Variants in ZNF526 observed in about 807,000 individuals in gnomAD.
ZNF526 encodes zinc finger protein 526.
Under a neutral mutation model 32.4 loss-of-function variants are expected in ZNF526, and 16 were observed. The ratio of observed to expected loss-of-function variants is 0.49; its 90% CI spans 0.33 to 0.75. ZNF526 has a LOEUF of 0.75. Among genes scored for constraint, ZNF526 ranks in the 30% least tolerant of loss-of-function variants. The pLI, the probability that ZNF526 is intolerant of heterozygous loss-of-function variation, is 0.02. For missense variants in ZNF526, 838 were observed against 920.7 expected (o/e 0.91, Z 1.16); for synonymous variants, 355 against 363.4 (o/e 0.98, Z 0.26).
chr19:42,222,580 C>G (rs1480415795), intron 1 of ZNF526, among the ~76,000 whole-genome samples: 1 of 152,090 alleles, frequency 6.6e-6, no homozygotes, highest in East Asian at 1.9e-4. Context: ...TGGGGTTGAG[C>G]CCACATACGT....
chr19:42,226,295 C>G lies in ZNF526; in HGVS notation c.1892C>G (p.Thr631Ser). 6.2e-7 allele frequency: 1 copy of G among 1,614,142 alleles called. No individual in the cohort carries two copies. The highest frequency in any genetic ancestry group is 8.5e-7 in the Non-Finnish European group (1 of 1,180,036). ...ATCATGTGCACAGAGCTGGGGGAGA[C>G]CATCGCCATCATTGAGACATCCCAG... ...QTIMCTELGE[T>S]IAIIETSQPL... is the part of the protein sequence containing the mutation. The change falls in exon 3 of 3, where the codon ACC becomes AGC. Residue 631 changes from threonine to serine, a missense_variant. Transcript: ENST00000301215.
At chr19:42,220,770 G>A (rs2036114172) in intron 1 of ZNF526, 1 of 152,202 alleles carries the variant, frequency 6.6e-6, no homozygotes, top group African/African-American at 2.4e-5. Context: ...TCAAGAGTGG[G>A]AGAAAGAATC....
intron 1 of ZNF526, among the ~76,000 whole-genome samples, chr19:42,221,710 A>G (rs2036125316): frequency 6.6e-6 from 1 of 151,860 alleles, no homozygotes; most frequent in South Asian, 2.1e-4. Context: ...CCAGCTACTC[A>G]AGAGGCTGAG....
chr19:42,226,603 C>G lies in ZNF526; in HGVS notation c.*187C>G. On this transcript the variant is annotated 3_prime_UTR_variant, in exon 3 of 3. Coordinates refer to ENST00000301215, the MANE Select transcript of ZNF526 (RefSeq NM_133444.3). ...GGCTTCTCTTGTCATCTTTCTCTGC[C>G]TGAGGGGAAACTGAAGCTCTGAAAT... The G allele has an allele frequency of 1.3e-6, 1 of 779,918 alleles. No individual in the cohort carries two copies. Among genetic ancestry groups the G allele is most frequent in the South Asian group, 1.6e-5 (1 of 63,218 alleles). 48.3% of individuals were successfully genotyped at this position (779,918 alleles called of 1,614,324 possible).
Position 42,225,944 on chromosome 19 carries a change from AC to A in ZNF526, c.1543del (p.Leu515SerfsTer6). ...SCGKTFASLA[N>X]LSRHQLTHTG... ...GGCAAGACCTTTGCTTCTTTGGCCA[AC>A]CTCAGCCGCCACCAGCTGACCCATA... On this transcript the variant is annotated frameshift_variant, in exon 3 of 3. Coordinates refer to ENST00000301215, the MANE Select transcript of ZNF526 (RefSeq NM_133444.3). LOFTEE classifies it high-confidence loss of function. 3.7e-6 allele frequency: 6 copies of A among 1,614,080 alleles called. No individual in the cohort carries two copies. The highest frequency in any genetic ancestry group is 5.1e-6 in the Non-Finnish European group (6 of 1,180,012).
At chr19:42,221,043 GA>G in intron 1 of ZNF526, among the ~76,000 whole-genome samples, 1 of 152,320 alleles carries the variant, frequency 6.6e-6, no homozygotes, top group East Asian at 1.9e-4. Context: ...AGTAGATAAG[GA>G]AAGTTTAGCT....
Position 42,225,691 on chromosome 19 carries a change from A to ACCCCCCCCCCC in ZNF526, c.1292_1293insCCCCCCCCCCC (p.Pro435LeufsTer54). On this transcript the variant is annotated frameshift_variant, in exon 3 of 3. Transcript: ENST00000301215. LOFTEE classifies it high-confidence loss of function. ...AGCTCCCCCAGCTCCAGCGGAGCCC[A>ACCCCCCCCCCC]CCCCTCCACCACCACCCCCTGCCCC... 1 of 1,000,058 alleles carries ACCCCCCCCCCC rather than the reference A, an allele frequency of 1.0e-6. No individual in the cohort carries two copies. Among genetic ancestry groups the ACCCCCCCCCCC allele is most frequent in the Non-Finnish European group, 1.4e-6 (1 of 707,290 alleles). 61.9% of individuals were successfully genotyped at this position (1,000,058 alleles called of 1,614,324 possible).
rs1348520302 is a variant in ZNF526, at chr19:42,226,713, G to A, written c.*297G>A. The stretch of plus-strand genomic sequence containing the variant: ...TTGCACTGCATCACCCTGGTGCCCA[G>A]CAACATCAGGTAACCTTCACTGAGC... On this transcript the variant is annotated 3_prime_UTR_variant, in exon 3 of 3. Transcript: ENST00000301215. The A allele has an allele frequency of 1.8e-5, 9 of 509,950 alleles. No individual in the cohort carries two copies. Among genetic ancestry groups the A allele is most frequent in the Non-Finnish European group, 3.3e-5 (9 of 269,964 alleles). The allele number at this position is 509,950 out of a possible 1,614,324, so 31.6% of individuals were successfully genotyped here. A position where few individuals can be genotyped will look rare whatever the true frequency, so the allele number is the denominator to read the frequency against.
At position 42,224,428 on chromosome 19, in the gene ZNF526, G is replaced by T. The variant is rs1706762965; in HGVS notation, c.25G>T (p.Ala9Ser). Residue 9 changes from alanine to serine, a missense_variant, in exon 3 of 3, where the codon GCC becomes TCC. Transcript: ENST00000301215. MAEVVAEV[A>S]EMPTQMSPGA... ...AATGGCAGAGGTGGTGGCTGAGGTG[G>T]CCGAGATGCCAACACAGATGTCACC... 1.2e-6 allele frequency: 2 copies of T among 1,614,042 alleles called. No individual in the cohort carries two copies. The highest frequency in any genetic ancestry group is 2.2e-5 in the South Asian group (2 of 91,086).
chr19:42,225,436 G>T lies in ZNF526; in HGVS notation c.1033G>T (p.Ala345Ser). The T allele has an allele frequency of 6.2e-7, 1 of 1,614,176 alleles. No homozygotes were observed. Among genetic ancestry groups the T allele is most frequent in the Non-Finnish European group, 8.5e-7 (1 of 1,180,044 alleles). The change falls in exon 3 of 3, where the codon GCA becomes TCA. Residue 345 changes from alanine (A) to serine (S), a missense_variant. Physicochemically the swap from Ala to Ser is moderately conservative, Grantham distance 99. Transcript: ENST00000301215. ...TTCSKVFKKA[A>S]SLEQHLRLHR... ...CTGCTCCAAGGTCTTCAAGAAAGCA[G>T]CATCGCTTGAGCAGCACTTGCGGCT...
At position 42,226,988 on chromosome 19, in the gene ZNF526, C is replaced by T. The variant is rs913303997; in HGVS notation, c.*572C>T. On this transcript the variant is annotated 3_prime_UTR_variant, in exon 3 of 3. Coordinates refer to ENST00000301215, the MANE Select transcript of ZNF526 (RefSeq NM_133444.3). ...ACCCAGGAGCAAGTCAGCACAGGCT[C>T]TGCCCACAGGAGGCATGCACAATCT... 5 of 208,590 alleles carry T rather than the reference C, an allele frequency of 2.4e-5. No individual in the cohort carries two copies. In the Admixed American group the frequency reaches 2.6e-4, roughly 11 times the overall value. The allele number at this position is 208,590 out of a possible 1,614,324, so 12.9% of individuals were successfully genotyped here.
chr19:42,222,410 G>A (rs2036133588), intron 1 of ZNF526, among the ~76,000 whole-genome samples: 1 of 152,122 alleles, frequency 6.6e-6, no homozygotes, highest in Admixed American at 6.6e-5. Context: ...TATATGCAAG[G>A]CTGTAAACCA....
rs768582882 is a variant in ZNF526 at position 42,224,757 on chromosome 19, C to CT, written c.355dup (p.Ser119PhefsTer52). 1 of 1,614,112 alleles carries CT rather than the reference C, an allele frequency of 6.2e-7. No individual in the cohort carries two copies. The highest frequency in any genetic ancestry group is 8.5e-7 in the Non-Finnish European group (1 of 1,180,038). On this transcript the variant is annotated frameshift_variant, in exon 3 of 3. Coordinates refer to ENST00000301215, the MANE Select transcript of ZNF526 (RefSeq NM_133444.3). LOFTEE classifies it high-confidence loss of function. Reference sequence around the variant, plus strand: ...GTGGTGAATGCAGCCAGCTCATCCTCTCCCCTGGGGAGCTCCTGGCCCACC... The same window carrying CT: ...GTGGTGAATGCAGCCAGCTCATCCTCTTCCCCTGGGGAGCTCCTGGCCCACC...
chr19:42,226,173 G>A lies in ZNF526; in HGVS notation c.1770G>A (p.Leu590=), dbSNP rs1319202703. 3.7e-6 allele frequency: 6 copies of A among 1,608,172 alleles called. No individual in the cohort carries two copies. Among genetic ancestry groups the A allele is most frequent in the South Asian group, 1.1e-5 (1 of 91,092 alleles). ...RWFRAMAGLR[L]HQRVHARART... The stretch of plus-strand genomic sequence containing the variant: ...TCCGCGCCATGGCGGGCTTGCGACT[G>A]CATCAGCGGGTCCATGCCCGAGCTC... Residue 590 remains leucine, a synonymous_variant, in exon 3 of 3, where the codon CTG becomes CTA. Transcript: ENST00000301215.
At position 42,225,358 on chromosome 19, in the gene ZNF526, C is replaced by T. The variant is rs138927181; in HGVS notation, c.955C>T (p.Arg319Trp). Residue 319 changes from arginine (R) to tryptophan (W), a missense_variant, in exon 3 of 3, where the codon CGG becomes TGG. Physicochemically the swap from Arg to Trp is moderately radical, Grantham distance 101. Coordinates refer to ENST00000301215, the MANE Select transcript of ZNF526 (RefSeq NM_133444.3). ...QCQRSFSSAN[R>W]LQAHGRAHVG... ...TCAGCGCAGTTTCAGCTCCGCCAAC[C>T]GGCTGCAGGCTCATGGGCGGGCCCA... 9 of 1,613,844 alleles carry T rather than the reference C, an allele frequency of 5.6e-6. No homozygotes were observed. Among genetic ancestry groups the T allele is most frequent in the East Asian group, 2.2e-5 (1 of 44,888 alleles).
chr19:42,226,629 G>T lies in ZNF526; in HGVS notation c.*213G>T, dbSNP rs1472493067. 10 of 721,028 alleles carry T rather than the reference G, an allele frequency of 1.4e-5. No homozygotes were observed. The highest frequency in any genetic ancestry group is 2.4e-5 in the Non-Finnish European group (10 of 412,074). 44.7% of individuals were successfully genotyped at this position (721,028 alleles called of 1,614,324 possible). On this transcript the variant is annotated 3_prime_UTR_variant, in exon 3 of 3. Transcript: ENST00000301215. ...TGAGGGGAAACTGAAGCTCTGAAAT[G>T]CGATGTGATCTGTACCAGGTCACCC...
intron 1 of ZNF526, among the ~76,000 whole-genome samples, chr19:42,223,033 TAGAGCTC>T (rs556086963): frequency 1.1e-3 from 161 of 152,318 alleles, no homozygotes; most frequent in Non-Finnish European, 1.9e-3. Context: ...AAGTAAGTGG[TAGAGCTC>T]AGATTCAAGC....
chr19:42,226,215 G>T lies in ZNF526; in HGVS notation c.1812G>T (p.Gln604His). ...VHARARTLTL[Q>H]PPRSPSPAPP... ...CCCGAGCTCGGACTTTGACGCTACA[G>T]CCTCCCAGATCACCATCTCCTGCCC... Residue 604 changes from glutamine (Q) to histidine (H), a missense_variant, in exon 3 of 3, where the codon CAG becomes CAT. Coordinates refer to ENST00000301215, the MANE Select transcript of ZNF526 (RefSeq NM_133444.3). 8 of 1,611,936 alleles carry T rather than the reference G, an allele frequency of 5.0e-6. No homozygotes were observed. Among genetic ancestry groups the T allele is most frequent in the Non-Finnish European group, 5.9e-6 (7 of 1,180,032 alleles).
At chr19:42,223,880 T>A (rs1412240329) in intron 1 of ZNF526, among the ~76,000 whole-genome samples, 25 of 137,802 alleles carry the variant, frequency 1.8e-4, no homozygotes, top group African/African-American at 6.4e-4. Context: ...ACATCTGTAA[T>A]CCCAGCACTT....
Sources: allele counts gnomAD v4.1 joint callset (sites outside exome capture counted in the v4.1 genomes callset), GRCh38; gene constraint gnomAD v4.1.1; transcripts MANE v1.5; gene names NCBI Gene and HGNC (gene_info 2026-07-23, HGNC 2026-07-21).